Variants in ATP10B observed in about 807,000 individuals in gnomAD.
ATP10B encodes phospholipid-transporting ATPase VB.
ATP10B carries 122 observed loss-of-function variants against 141.2 expected under a neutral mutation model. The observed-to-expected ratio is 0.86, with a 90% CI of 0.75 to 1.00. The LOEUF (loss-of-function observed/expected upper bound fraction) is 1.00. ATP10B is among the 50% of genes least tolerant of loss of function. ATP10B has a pLI of 0.00. For synonymous variants in ATP10B, 685 were observed against 692.0 expected, an observed-to-expected ratio of 0.99 and a Z score of 0.16; for missense variants, 1,876 against 1,825.3, an observed-to-expected ratio of 1.03 and a Z score of -0.51.
At chr5:160,804,917 C>A (rs1287800574) in intron 1 of ATP10B, among the ~76,000 whole-genome samples, 1 of 152,162 alleles carries the variant, frequency 6.6e-6, no homozygotes, top group Non-Finnish European at 1.5e-5. Flanking sequence ...CCATTCATAC[C>A]AAAGTCCTGC....
intron 23 of ATP10B, 152 bp from the exon 24 acceptor site, chr5:160,589,848 T>C: frequency 1.6e-6 from 1 of 615,856 alleles, no homozygotes; most frequent in South Asian, 2.0e-5. Flanking sequence ...GAGGAACAGG[T>C]CAAGGTAAGA....
chr5:160,608,287 C>A (rs1745613205), intron 18 of ATP10B, among the ~76,000 whole-genome samples: 1 of 152,184 alleles, frequency 6.6e-6, no homozygotes, highest in Admixed American at 6.5e-5. Flanking sequence ...GCATAGTATT[C>A]CATGGTGTAT....
At position 160,590,998 on chromosome 5, in the gene ATP10B, T is replaced by C. The variant is rs116245245; in HGVS notation, c.3645+61A>G. 0.02 allele frequency: 28,658 copies of C among 1,415,288 alleles called. 338 individuals are homozygous for C. Among genetic ancestry groups the C allele is most frequent in the Middle Eastern group, 0.041 (233 of 5,682 alleles). The allele number at this position is 1,415,288 out of a possible 1,614,324, so 87.7% of individuals were successfully genotyped here. A position where few individuals can be genotyped will look rare whatever the true frequency, so the allele number is the denominator to read the frequency against. ...AGGACACTACTGGTCTGGAACTTTATATAAAAAGGACCAGTTCTTCTCTGC... is the reference window on the plus strand; with the variant it reads ...AGGACACTACTGGTCTGGAACTTTACATAAAAAGGACCAGTTCTTCTCTGC... On this transcript the variant is annotated intron_variant, in intron 23 of 25. Transcript: ENST00000327245.
At chr5:160,568,127 G>A (rs1398052705) in intron 25 of ATP10B, among the ~76,000 whole-genome samples, 1 of 151,984 alleles carries the variant, frequency 6.6e-6, no homozygotes, top group East Asian at 1.9e-4. Context: ...GATAGAGGGT[G>A]GAATGATGAA....
chr5:160,899,058 G>A, the ATP10B span, among the ~76,000 whole-genome samples: 1 of 152,078 alleles, frequency 6.6e-6, no homozygotes, highest in African/African-American at 2.4e-5. Context: ...ACGGGTCGAT[G>A]GGTATATCAA....
At chr5:160,653,976 A>G (rs1423321554) in intron 7 of ATP10B, among the ~76,000 whole-genome samples, 3 of 137,522 alleles carry the variant, frequency 2.2e-5, no homozygotes, top group Non-Finnish European at 4.6e-5. Context: ...ATACGTATAT[A>G]CATATATAAA....
At chr5:160,869,756 G>C in the ATP10B span, among the ~76,000 whole-genome samples, 2 of 152,086 alleles carry the variant, frequency 1.3e-5, no homozygotes, top group Non-Finnish European at 2.9e-5. Context: ...TGGGAACCTG[G>C]GCCAGGATAG....
At chr5:160,683,345 G>A (rs1161379806) in intron 6 of ATP10B, among the ~76,000 whole-genome samples, 1 of 152,194 alleles carries the variant, frequency 6.6e-6, no homozygotes, top group Admixed American at 6.5e-5. Flanking sequence ...GCTGCTGAGG[G>A]ATGAACATGG....
the ATP10B span, among the ~76,000 whole-genome samples, chr5:160,895,134 A>G: frequency 6.6e-6 from 1 of 152,246 alleles, no homozygotes; most frequent in East Asian, 1.9e-4. Context: ...AATTATGAAG[A>G]AACTGCGTCA....
intron 1 of ATP10B, among the ~76,000 whole-genome samples, chr5:160,848,363 T>C (rs1280546147): frequency 1.3e-5 from 2 of 152,080 alleles, no homozygotes; most frequent in Non-Finnish European, 2.9e-5. Context: ...TCACTCCCAT[T>C]TGATAGATGA....
At position 160,679,470 on chromosome 5, in the gene ATP10B, T is replaced by A. The variant is rs148684950; in HGVS notation, c.470+6609A>T. Among the ~76,000 whole-genome samples the A allele has an allele frequency of 5.9e-5, 9 of 152,370 alleles. No individual in the cohort carries two copies. In the East Asian group the frequency reaches 1.7e-3, roughly 29 times the overall value. On this transcript the variant is annotated intron_variant, in intron 6 of 25. Coordinates refer to ENST00000327245, the MANE Select transcript of ATP10B (RefSeq NM_025153.3). Reference sequence around the variant, plus strand: ...AATATGTTCCCTCTGCCTGGCTAAATGTTGCTCCTCCTTCAGGGCTCTCCT... The same window carrying A: ...AATATGTTCCCTCTGCCTGGCTAAAAGTTGCTCCTCCTTCAGGGCTCTCCT...
At chr5:160,577,841 C>A (rs1311815306) in intron 24 of ATP10B, among the ~76,000 whole-genome samples, 3 of 151,480 alleles carry the variant, frequency 2.0e-5, no homozygotes, top group Non-Finnish European at 1.5e-5. Flanking sequence ...TTAGAATTGT[C>A]TCTCTGGTAA....
the ATP10B span, among the ~76,000 whole-genome samples, chr5:160,878,397 G>T: frequency 2.6e-5 from 4 of 151,650 alleles, no homozygotes; most frequent in Non-Finnish European, 5.9e-5. Context: ...ATGGATTAAA[G>T]ACTTAAACGT....
intron 2 of ATP10B, among the ~76,000 whole-genome samples, chr5:160,762,256 G>A (rs4628028): frequency 0.31 from 47,699 of 151,726 alleles, 7,788 homozygotes; most frequent in Non-Finnish European, 0.36. Flanking sequence ...ACCTAGGCAC[G>A]TAGTCATCGG....
Position 160,615,980 on chromosome 5 carries a change from A to G in ATP10B, c.2527-16T>C. The G allele has an allele frequency of 6.2e-7, 1 of 1,607,578 alleles. No individual in the cohort carries two copies. The highest frequency in any genetic ancestry group is 1.1e-5 in the South Asian group (1 of 90,692). ...CGCTTACAACCTATGGGATGGGAAA[A>G]GGCTCCTTAACAATCTTGGGTGGAC... On this transcript the variant is annotated splice_polypyrimidine_tract_variant and intron_variant, in intron 16 of 25. Coordinates refer to ENST00000327245, the MANE Select transcript of ATP10B (RefSeq NM_025153.3).
the ATP10B span, among the ~76,000 whole-genome samples, chr5:160,881,433 C>T: frequency 2.6e-5 from 4 of 152,162 alleles, no homozygotes; most frequent in East Asian, 1.9e-4. Flanking sequence ...AACAATTGTG[C>T]TTCTTGGTAT....
intron 1 of ATP10B, among the ~76,000 whole-genome samples, chr5:160,794,134 G>GT (rs911143297): frequency 4.6e-5 from 7 of 152,200 alleles, no homozygotes; most frequent in African/African-American, 1.7e-4. Context: ...ATAATTGACA[G>GT]TTTTTGAGGA....
intron 7 of ATP10B, among the ~76,000 whole-genome samples, chr5:160,663,172 C>T (rs1198654049): frequency 2.0e-5 from 3 of 152,232 alleles, no homozygotes; most frequent in Middle Eastern, 3.4e-3. Context: ...GAAATAGGAA[C>T]ACTTTTACAC....
chr5:160,621,322 A>G (rs993780099), intron 14 of ATP10B, among the ~76,000 whole-genome samples: 2 of 152,174 alleles, frequency 1.3e-5, no homozygotes, highest in Admixed American at 1.3e-4. Flanking sequence ...CAAAAAGTCT[A>G]CATAAATTGG....
Sources: gnomAD v4.1 joint callset for allele counts (sites outside exome capture counted in the v4.1 genomes callset) on GRCh38, gnomAD v4.1.1 for gene constraint, MANE v1.5 for transcripts, NCBI Gene and HGNC (gene_info 2026-07-23, HGNC 2026-07-21) for gene names.